RBFOX1: variants seen among roughly 807,000 people sequenced by gnomAD.
The protein encoded by RBFOX1 is RNA binding protein fox-1 homolog 1.
Under a neutral mutation model 57.7 loss-of-function variants are expected in RBFOX1, and 8 were observed. That is an observed-to-expected ratio of 0.14 (90% CI 0.08 to 0.25). RBFOX1 has a LOEUF of 0.25. Ranked by LOEUF, RBFOX1 falls within the 10% of genes least tolerant of loss-of-function variation. RBFOX1 has a pLI of 1.00. For missense variants in RBFOX1, 611 were observed against 548.5 expected, an observed-to-expected ratio of 1.11 and a Z score of -1.14; for synonymous variants, 326 against 222.4, an observed-to-expected ratio of 1.47 and a Z score of -4.15.
intron 1 of RBFOX1, among the ~76,000 whole-genome samples, chr16:5,370,489 AATTATT>A (rs1036584218): frequency 6.7e-6 from 1 of 149,248 alleles, no homozygotes; most frequent in African/African-American, 2.5e-5. Flanking sequence ...CTTTTTACAA[AATTATT>A]ATTATTATTT....
chr16:5,860,137 C>A (rs2057175240), intron 3 of RBFOX1, among the ~76,000 whole-genome samples: 1 of 152,150 alleles, frequency 6.6e-6, no homozygotes, highest in Admixed American at 6.5e-5. Flanking sequence ...GGCTGGAGTG[C>A]AATGGCATGA....
intron 1 of RBFOX1, among the ~76,000 whole-genome samples, chr16:6,120,835 C>G (rs2096543653): frequency 6.6e-6 from 1 of 152,122 alleles, no homozygotes; most frequent in Admixed American, 6.5e-5. Context: ...CCCTCACTCT[C>G]TTTTTTATCC....
chr16:5,835,375 G>C (rs2056425530), intron 3 of RBFOX1, among the ~76,000 whole-genome samples: 1 of 152,228 alleles, frequency 6.6e-6, no homozygotes, highest in South Asian at 2.1e-4. Context: ...GATCTGCTTT[G>C]TAGAAAACGG....
intron 1 of RBFOX1, among the ~76,000 whole-genome samples, chr16:5,429,874 C>T (rs945679734): frequency 1.3e-5 from 2 of 152,106 alleles, no homozygotes; most frequent in African/African-American, 4.8e-5. Flanking sequence ...TGAAACAGTC[C>T]CAAATACCTG....
At chr16:5,519,645 A>G (rs1472357739) in intron 2 of RBFOX1, among the ~76,000 whole-genome samples, 1 of 152,172 alleles carries the variant, frequency 6.6e-6, no homozygotes, top group Non-Finnish European at 1.5e-5. Flanking sequence ...AGATTGCTTG[A>G]GCCCAGGAGG....
intron 1 of RBFOX1, among the ~76,000 whole-genome samples, chr16:6,113,409 A>G (rs2096466033): frequency 1.3e-5 from 2 of 152,202 alleles, no homozygotes; most frequent in Admixed American, 1.3e-4. Context: ...TCAGGGAAGT[A>G]AAGAGCCAGA....
At chr16:7,459,018 A>G (rs1447088146) in intron 4 of RBFOX1, among the ~76,000 whole-genome samples, 3 of 152,130 alleles carry the variant, frequency 2.0e-5, no homozygotes, top group Non-Finnish European at 2.9e-5. Context: ...CTATGAATGG[A>G]TGGGTGAATG....
intron 2 of RBFOX1, among the ~76,000 whole-genome samples, chr16:6,445,223 C>T (rs180968015): frequency 7.9e-5 from 12 of 151,998 alleles, no homozygotes; most frequent in East Asian, 5.8e-4. Context: ...CTGAGATTTT[C>T]TTCCTTTTTT....
chr16:6,819,469 C>T (rs764371444), intron 3 of RBFOX1, among the ~76,000 whole-genome samples: 3 of 151,856 alleles, frequency 2.0e-5, no homozygotes, highest in East Asian at 1.9e-4. Context: ...TTAGGGAGGC[C>T]CAGGCGGGCG....
intron 9 of RBFOX1, among the ~76,000 whole-genome samples, chr16:7,605,607 T>G (rs2095253348): frequency 1.3e-5 from 2 of 152,170 alleles, no homozygotes. Flanking sequence ...TCTGTTTTCC[T>G]TAGTGGATGT....
intron 1 of RBFOX1, among the ~76,000 whole-genome samples, chr16:5,415,307 T>A (rs1468833129): frequency 6.6e-6 from 1 of 152,174 alleles, no homozygotes; most frequent in Non-Finnish European, 1.5e-5. Context: ...AGTGCCATAC[T>A]TTAAAACGAC....
chr16:6,279,834 C>T (rs979555769), intron 1 of RBFOX1, among the ~76,000 whole-genome samples: 15 of 151,072 alleles, frequency 9.9e-5, no homozygotes, highest in African/African-American at 3.7e-4. Context: ...AATGTTCCCA[C>T]TTGGCTGGGA....
At chr16:7,538,981 A>C (rs1305503018) in intron 5 of RBFOX1, among the ~76,000 whole-genome samples, 1 of 151,988 alleles carries the variant, frequency 6.6e-6, no homozygotes, top group Non-Finnish European at 1.5e-5. Context: ...GTGGTGGCTG[A>C]ATTCGAAAAA....
At chr16:5,884,018 G>C (rs867322209) in intron 4 of RBFOX1, among the ~76,000 whole-genome samples, 1 of 152,160 alleles carries the variant, frequency 6.6e-6, no homozygotes. Flanking sequence ...TGGTTCTCTT[G>C]TGACTTAGTG....
intron 2 of RBFOX1, among the ~76,000 whole-genome samples, chr16:6,518,827 C>CTATCTATCTATCTATCTATG: frequency 7.7e-6 from 1 of 129,472 alleles, no homozygotes; most frequent in African/African-American, 2.8e-5. Flanking sequence ...ATCTATCTAT[C>CTATCTATCTATCTATCTATG]TATCTATCTA....
At chr16:6,384,323 T>G (rs1201856991) in intron 2 of RBFOX1, among the ~76,000 whole-genome samples, 1 of 152,172 alleles carries the variant, frequency 6.6e-6, no homozygotes, top group East Asian at 1.9e-4. Flanking sequence ...TGGAGGAAGA[T>G]AAAAATAATA....
intron 1 of RBFOX1, among the ~76,000 whole-genome samples, chr16:6,152,728 C>A (rs976607809): frequency 6.6e-6 from 1 of 152,098 alleles, no homozygotes; most frequent in Non-Finnish European, 1.5e-5. Flanking sequence ...CCACGTGGGC[C>A]CACAGACCCA....
At chr16:6,838,338 T>A (rs1192607693) in intron 3 of RBFOX1, among the ~76,000 whole-genome samples, 1 of 152,164 alleles carries the variant, frequency 6.6e-6, no homozygotes, top group African/African-American at 2.4e-5. Context: ...TTCACCCATG[T>A]CCCTGCAAAG....
At chr16:5,960,040 T>C (rs1235849154) in intron 4 of RBFOX1, among the ~76,000 whole-genome samples, 1 of 151,812 alleles carries the variant, frequency 6.6e-6, no homozygotes, top group Non-Finnish European at 1.5e-5. Flanking sequence ...GTCTCTACTA[T>C]AAATAAAAAA....
Sources: gnomAD v4.1 joint callset for allele counts (sites outside exome capture counted in the v4.1 genomes callset) on GRCh38, gnomAD v4.1.1 for gene constraint, MANE v1.5 for transcripts, NCBI Gene and HGNC (gene_info 2026-07-23, HGNC 2026-07-21) for gene names.